The following ABLIM1 variants were observed in gnomAD, a reference collection of about 807,000 sequenced individuals.
ABLIM1 encodes actin binding LIM protein 1.
In ABLIM1, 40 loss-of-function variants were observed where a neutral mutation model predicts 107.0. That is an observed-to-expected ratio of 0.37 (90% confidence interval 0.29 to 0.49). ABLIM1 has a LOEUF of 0.49. Ranked by LOEUF, ABLIM1 falls within the 20% of genes least tolerant of loss-of-function variation. The pLI is 0.97. For synonymous variants in ABLIM1, 357 were observed against 357.3 expected (o/e 1.00, Z 0.01); for missense variants, 857 against 1,008.5 (o/e 0.85, Z 2.04).
intron 15 of ABLIM1, among the ~76,000 whole-genome samples, chr10:114,446,212 G>C (rs1053680974): frequency 6.6e-6 from 1 of 152,122 alleles, no homozygotes; most frequent in Non-Finnish European, 1.5e-5. Context: ...CTATCACTCT[G>C]TCTTCTACTC....
intron 1 of ABLIM1, among the ~76,000 whole-genome samples, chr10:114,727,802 A>G (rs2081991526): frequency 6.6e-6 from 1 of 152,134 alleles, no homozygotes; most frequent in Non-Finnish European, 1.5e-5. Flanking sequence ...AAAAAATACA[A>G]AAGTTAGCCA....
chr10:114,627,706 A>C (rs1308969531), intron 1 of ABLIM1, among the ~76,000 whole-genome samples: 1 of 152,244 alleles, frequency 6.6e-6, no homozygotes, highest in South Asian at 2.1e-4. Context: ...AAGGCCCATA[A>C]ATAAGGAGGA....
At position 114,668,690 on chromosome 10, in the gene ABLIM1, G is replaced by C. The variant is rs79975571; in HGVS notation, c.64+15600C>G. Among the ~76,000 whole-genome samples, 895 of 152,192 alleles carry C rather than the reference G, an allele frequency of 5.9e-3. 14 individuals are homozygous for C. The highest frequency in any genetic ancestry group is 0.021 in the African/African-American group (856 of 41,534). On this transcript the variant is annotated intron_variant, in intron 1 of 23. Transcript: ENST00000369256. ...GCATCAAAAAGAATCCCAAAGATTAGAGACTGCAAAAAAGTAGAGCCATTT... is the reference window on the plus strand; with the variant it reads ...GCATCAAAAAGAATCCCAAAGATTACAGACTGCAAAAAAGTAGAGCCATTT...
chr10:114,564,720 C>G (rs2070403991), intron 4 of ABLIM1, among the ~76,000 whole-genome samples: 1 of 152,176 alleles, frequency 6.6e-6, no homozygotes, highest in Admixed American at 6.5e-5. Context: ...ATGACTTGCC[C>G]AACCCTACAT....
intron 12 of ABLIM1, among the ~76,000 whole-genome samples, chr10:114,464,403 C>A (rs1297390208): frequency 6.6e-6 from 1 of 152,096 alleles, no homozygotes; most frequent in Non-Finnish European, 1.5e-5. Flanking sequence ...TCAGGCTGGT[C>A]TTGAACTCTT....
intron 6 of ABLIM1, among the ~76,000 whole-genome samples, chr10:114,536,227 G>GTTTTTTTTT (rs536435789): frequency 8.9e-5 from 5 of 56,260 alleles, no homozygotes; most frequent in African/African-American, 4.2e-4. Context: ...TTCTTTCTTT[G>GTTTTTTTTT]TTTTTTTTTT....
chr10:114,513,051 C>G (rs2062177910), intron 6 of ABLIM1, among the ~76,000 whole-genome samples: 1 of 151,542 alleles, frequency 6.6e-6, no homozygotes, highest in African/African-American at 2.4e-5. Flanking sequence ...CATCCATCCT[C>G]CTCCATCCAT....
chr10:114,736,518 G>A (rs149106828), intron 1 of ABLIM1, among the ~76,000 whole-genome samples: 322 of 152,240 alleles, frequency 2.1e-3, no homozygotes, highest in African/African-American at 7.5e-3. Context: ...AATAACAAAG[G>A]AGATATTTAT....
At chr10:114,626,302 A>G (rs892500592) in intron 1 of ABLIM1, among the ~76,000 whole-genome samples, 1 of 152,194 alleles carries the variant, frequency 6.6e-6, no homozygotes, top group Non-Finnish European at 1.5e-5. Context: ...TGAGGCAGAA[A>G]GGTGTGGTGT....
At chr10:114,504,112 T>G (rs1048872587) in intron 6 of ABLIM1, among the ~76,000 whole-genome samples, 1 of 152,188 alleles carries the variant, frequency 6.6e-6, no homozygotes, top group Non-Finnish European at 1.5e-5. Context: ...GGTTTAGAAG[T>G]TTGAGGACTT....
intron 1 of ABLIM1, among the ~76,000 whole-genome samples, chr10:114,621,815 A>C (rs2077480912): frequency 6.6e-6 from 1 of 152,196 alleles, no homozygotes; most frequent in African/African-American, 2.4e-5. Flanking sequence ...ACCTCAAGAA[A>C]ATTGTAATGT....
chr10:114,657,985 C>A lies in ABLIM1; in HGVS notation c.216G>T (p.Gly72=), dbSNP rs565773668. ...AAGGATCAACGCTGTTACATACACG[C>A]CCACGTGGGCAGTAGTCCTTGGGAC... ...YLCPKDYCPR[G]RVCNSVDPFV... is the part of the protein sequence containing the mutation. Residue 72 remains glycine (G), a synonymous_variant, in exon 1 of 23, where the codon GGG becomes GGT. Coordinates refer to ENST00000533213, the MANE Select transcript of ABLIM1 (RefSeq NM_002313.7). 6.2e-7 allele frequency: 1 copy of A among 1,613,912 alleles called. No homozygotes were observed. The highest frequency in any genetic ancestry group is 1.7e-5 in the Admixed American group (1 of 60,012).
chr10:114,517,967 T>C (rs971955639), intron 6 of ABLIM1, among the ~76,000 whole-genome samples: 1 of 152,010 alleles, frequency 6.6e-6, no homozygotes, highest in African/African-American at 2.4e-5. Flanking sequence ...TTTACACACA[T>C]ACTTTTTTTT....
chr10:114,782,322 A>G, the ABLIM1 span, among the ~76,000 whole-genome samples: 2 of 152,174 alleles, frequency 1.3e-5, no homozygotes, highest in African/African-American at 4.8e-5. Flanking sequence ...TCAGGAAATA[A>G]ACAAGGGGCT....
chr10:114,460,009 T>G (rs1037847071), intron 12 of ABLIM1, among the ~76,000 whole-genome samples: 2 of 152,252 alleles, frequency 1.3e-5, no homozygotes, highest in African/African-American at 2.4e-5. Flanking sequence ...TTTTGTGATC[T>G]AAATGACTGA....
intron 6 of ABLIM1, chr10:114,527,031 T>C (rs1267532077): frequency 1.1e-6 from 1 of 939,308 alleles, no homozygotes; most frequent in Non-Finnish European, 1.3e-6. Context: ...TAAATGCAGG[T>C]AGGAAAGTAC....
chr10:114,548,318 C>T (rs1271855572), intron 4 of ABLIM1, among the ~76,000 whole-genome samples: 4 of 152,178 alleles, frequency 2.6e-5, no homozygotes, highest in Non-Finnish European at 5.9e-5. Context: ...GCTCTTAATT[C>T]CTTAGCTCTC....
At chr10:114,685,784 G>C (rs2080920385), upstream of ABLIM1, among the ~76,000 whole-genome samples, 1 of 152,210 alleles carries the variant, frequency 6.6e-6, no homozygotes, top group Non-Finnish European at 1.5e-5. Context: ...TCATGATAGT[G>C]ATTCCATATT....
the ABLIM1 span, chr10:114,778,426 T>C: frequency 6.6e-6 from 1 of 152,168 alleles, no homozygotes; most frequent in Non-Finnish European, 1.5e-5. Flanking sequence ...CAGTAATCTT[T>C]CCATCGCGAT....
Sources: allele counts gnomAD v4.1 joint callset (sites outside exome capture counted in the v4.1 genomes callset), GRCh38; gene constraint gnomAD v4.1.1; transcripts MANE v1.5; gene names NCBI Gene and HGNC (gene_info 2026-07-23, HGNC 2026-07-21).